FRMD4A: variants seen among roughly 807,000 people sequenced by gnomAD.
FRMD4A encodes FERM domain-containing protein 4A.
A neutral mutation model predicts 129.1 loss-of-function variants in FRMD4A; 29 were observed. The ratio of observed to expected loss-of-function variants is 0.22; its 90% CI spans 0.17 to 0.31. FRMD4A has a LOEUF of 0.31. FRMD4A is among the 10% of genes least tolerant of loss of function. FRMD4A has a pLI of 1.00. For missense variants in FRMD4A, 1,272 were observed against 1,375.8 expected, an observed-to-expected ratio of 0.92 and a Z score of 1.19; for synonymous variants, 634 against 571.6, an observed-to-expected ratio of 1.11 and a Z score of -1.56.
At chr10:13,790,902 G>C (rs1588735846) in intron 5 of FRMD4A, among the ~76,000 whole-genome samples, 1 of 152,130 alleles carries the variant, frequency 6.6e-6, no homozygotes, top group African/African-American at 2.4e-5. Context: ...TCACAAAGGG[G>C]AGGAATCCAT....
At chr10:14,045,579 AT>A (rs1477681346) in intron 2 of FRMD4A, among the ~76,000 whole-genome samples, 1 of 149,742 alleles carries the variant, frequency 6.7e-6, no homozygotes, top group African/African-American at 2.4e-5. Flanking sequence ...ACTATTACAT[AT>A]TTTTATATAC....
intron 16 of FRMD4A, among the ~76,000 whole-genome samples, chr10:13,673,603 C>T (rs989698401): frequency 5.3e-5 from 8 of 151,620 alleles, no homozygotes; most frequent in Non-Finnish European, 7.4e-5. Flanking sequence ...CACACACACA[C>T]ACAGAGTCAT....
chr10:13,890,397 G>T, intron 2 of FRMD4A: 1 of 323,326 alleles, frequency 3.1e-6, no homozygotes, highest in Non-Finnish European at 4.4e-6. Context: ...GGCTTCCCAG[G>T]ATGAAGTCAG....
chr10:14,107,799 C>T (rs757268518), intron 2 of FRMD4A, among the ~76,000 whole-genome samples: 12 of 152,042 alleles, frequency 7.9e-5, no homozygotes, highest in African/African-American at 1.2e-4. Flanking sequence ...TAGAGTTATG[C>T]GATATTCTTT....
chr10:13,765,545 T>C (rs1445226626), intron 6 of FRMD4A, among the ~76,000 whole-genome samples: 1 of 152,210 alleles, frequency 6.6e-6, no homozygotes, highest in Non-Finnish European at 1.5e-5. Flanking sequence ...GGCCTGGGAA[T>C]TTCACAGTTG....
In FRMD4A at chr10:14,077,836, C is replaced by A. The variant is rs575088920; in HGVS notation, c.46-218924G>T. Among the ~76,000 whole-genome samples the A allele has an allele frequency of 9.2e-5, 14 of 152,282 alleles. No homozygotes were observed. In the South Asian group the frequency reaches 2.9e-3, roughly 32 times the overall value. On this transcript the variant is annotated intron_variant, in intron 2 of 24. Transcript: ENST00000357447. ...TGAAATACTGAGAAATAGTCCCATT[C>A]TCATATAGGCTTAACATCCATCTAG... is the stretch of plus-strand genomic sequence containing the variant.
intron 2 of FRMD4A, among the ~76,000 whole-genome samples, chr10:14,149,775 T>C (rs957484247): frequency 1.3e-5 from 2 of 152,212 alleles, no homozygotes; most frequent in African/African-American, 2.4e-5. Context: ...GAGATGTATA[T>C]GGGCAGTTGA....
chr10:14,191,791 G>A (rs932839997), intron 2 of FRMD4A, among the ~76,000 whole-genome samples: 1 of 102,138 alleles, frequency 9.8e-6, no homozygotes, highest in Non-Finnish European at 2.0e-5. Context: ...AGCTCAACTG[G>A]CTGTTTTTTT....
intron 4 of FRMD4A, among the ~76,000 whole-genome samples, chr10:13,797,113 G>A (rs775545558): frequency 7.2e-5 from 11 of 152,184 alleles, no homozygotes; most frequent in Non-Finnish European, 8.8e-5. Flanking sequence ...GTGGTGTGAG[G>A]GGAAGAATAG....
At chr10:13,942,661 G>A (rs775589216) in intron 2 of FRMD4A, among the ~76,000 whole-genome samples, 5 of 152,212 alleles carry the variant, frequency 3.3e-5, no homozygotes, top group African/African-American at 4.8e-5. Flanking sequence ...CTAGCCAGGC[G>A]TGGTGGCTCG....
At chr10:13,760,443 C>T (rs1055277099) in intron 8 of FRMD4A, among the ~76,000 whole-genome samples, 1 of 152,102 alleles carries the variant, frequency 6.6e-6, no homozygotes, top group South Asian at 2.1e-4. Flanking sequence ...CACTTGAGCC[C>T]AGGAGCTGGA....
intron 2 of FRMD4A, among the ~76,000 whole-genome samples, chr10:13,954,774 T>C (rs1337881430): frequency 1.3e-5 from 2 of 152,176 alleles, no homozygotes; most frequent in Non-Finnish European, 2.9e-5. Flanking sequence ...TCATCTCAGA[T>C]CCACTGGCTT....
At chr10:13,884,162 A>T (rs28600194) in intron 2 of FRMD4A, among the ~76,000 whole-genome samples, 1 of 16,306 alleles carries the variant, frequency 6.1e-5, no homozygotes, top group African/African-American at 1.8e-4. Context: ...ACTCTCACAC[A>T]CACACTCACA....
intron 2 of FRMD4A, among the ~76,000 whole-genome samples, chr10:13,948,056 A>G (rs1421620984): frequency 1.3e-5 from 1 of 79,772 alleles, no homozygotes; most frequent in Non-Finnish European, 3.2e-5. Flanking sequence ...AGTAAATTGA[A>G]AAAAAAAAAA....
chr10:13,715,205 C>A (rs912442756), intron 12 of FRMD4A, among the ~76,000 whole-genome samples: 1 of 152,062 alleles, frequency 6.6e-6, no homozygotes, highest in Non-Finnish European at 1.5e-5. Flanking sequence ...CAGGAGCCCT[C>A]AGTTCTAGCT....
At chr10:13,674,751 G>A (rs2083827788) in intron 16 of FRMD4A, among the ~76,000 whole-genome samples, 160 bp downstream of exon 16, 1 of 152,136 alleles carries the variant, frequency 6.6e-6, no homozygotes, top group African/African-American at 2.4e-5. Context: ...GAGAGCGCTC[G>A]CCGCCCAGAT....
intron 2 of FRMD4A, among the ~76,000 whole-genome samples, chr10:13,976,852 T>C (rs1435414604): frequency 6.6e-6 from 1 of 152,248 alleles, no homozygotes; most frequent in African/African-American, 2.4e-5. Flanking sequence ...AACTATTCTA[T>C]CTCAGGTCAA....
chr10:14,214,411 C>T (rs1843014425), intron 2 of FRMD4A, among the ~76,000 whole-genome samples: 1 of 152,192 alleles, frequency 6.6e-6, no homozygotes, highest in Admixed American at 6.5e-5. Flanking sequence ...GCTGAACGAC[C>T]TTAGACAAGT....
chr10:14,287,129 T>C (rs1280623093), intron 2 of FRMD4A, among the ~76,000 whole-genome samples: 1 of 110,718 alleles, frequency 9.0e-6, no homozygotes, highest in Admixed American at 8.9e-5. Context: ...ATCTTGCTCT[T>C]TGACAGGCCC....
Sources: allele counts gnomAD v4.1 joint callset (sites outside exome capture counted in the v4.1 genomes callset), GRCh38; gene constraint gnomAD v4.1.1; transcripts MANE v1.5; gene names NCBI Gene and HGNC (gene_info 2026-07-23, HGNC 2026-07-21).